MIER2: variants seen among roughly 807,000 people sequenced by gnomAD.
MIER2 encodes the protein MIER family member 2, also known as mesoderm induction early response protein 2.
In MIER2, 30 loss-of-function variants were observed where a neutral mutation model predicts 67.6. The ratio of observed to expected loss-of-function variants is 0.44; its 90% CI spans 0.33 to 0.60. The LOEUF (loss-of-function observed/expected upper bound fraction) is 0.60, where lower values mean the gene tolerates loss of function less well. MIER2 is among the 20% of genes least tolerant of loss of function. The probability of loss-of-function intolerance (pLI) is 0.02; values close to 1 mark genes in which losing one functional copy is unlikely to be tolerated. For missense variants in MIER2, 702 were observed against 745.1 expected, an observed-to-expected ratio of 0.94 and a Z score of 0.67; for synonymous variants, 372 against 312.6, an observed-to-expected ratio of 1.19 and a Z score of -2.00.
At chr19:325,515 G>A (rs1971698459) in intron 7 of MIER2, 120 bp downstream of exon 7, 1 of 1,144,558 alleles carries the variant, frequency 8.7e-7, no homozygotes, top group African/African-American at 1.5e-5. Context: ...CACAGGCTCA[G>A]CTGCCCCAGT....
At chr19:328,116 A>G (rs1259495685) in intron 3 of MIER2, 127 bp from the exon 4 acceptor site, 1 of 1,268,328 alleles carries the variant, frequency 7.9e-7, no homozygotes, top group Non-Finnish European at 1.1e-6. Context: ...GCAACTCCCC[A>G]CATGGCAGCA....
intron 1 of MIER2, among the ~76,000 whole-genome samples, chr19:341,614 G>A (rs575632579): frequency 1.3e-5 from 2 of 152,262 alleles, no homozygotes; most frequent in South Asian, 4.1e-4. Context: ...TACTCTCAAA[G>A]CAGGTTCCCA....
At chr19:325,158 G>C (rs1274451932) in intron 7 of MIER2, among the ~76,000 whole-genome samples, 1 of 152,256 alleles carries the variant, frequency 6.6e-6, no homozygotes, top group Admixed American at 6.5e-5. Flanking sequence ...CCTCAAAGGG[G>C]CAAGAGAGGG....
At chr19:314,012 A>G (rs145301303) in intron 7 of MIER2, among the ~76,000 whole-genome samples, 1 of 152,312 alleles carries the variant, frequency 6.6e-6, no homozygotes, top group African/African-American at 2.4e-5. Flanking sequence ...AGGGGGTTCT[A>G]AGTAGTGAGA....
intron 7 of MIER2, among the ~76,000 whole-genome samples, chr19:317,510 A>G (rs993305625): frequency 1.6e-4 from 23 of 146,166 alleles, no homozygotes; most frequent in Non-Finnish European, 3.2e-4. Context: ...CTGGGTGACA[A>G]AGCGAGACTC....
intron 3 of MIER2, among the ~76,000 whole-genome samples, chr19:331,793 C>T (rs1291150557): frequency 6.6e-6 from 1 of 151,844 alleles, no homozygotes; most frequent in African/African-American, 2.4e-5. Flanking sequence ...CCAGCCTGTC[C>T]AACATGATGA....
intron 3 of MIER2, 115 bp from the exon 4 acceptor site, chr19:328,104 T>C (rs548028518): frequency 1.5e-4 from 212 of 1,410,002 alleles, no homozygotes; most frequent in Admixed American, 1.1e-3. Context: ...GTCACACCCA[T>C]AGCAACTCCC....
At chr19:317,193 G>A (rs1263890195) in intron 7 of MIER2, among the ~76,000 whole-genome samples, 4 of 152,052 alleles carry the variant, frequency 2.6e-5, no homozygotes, top group Non-Finnish European at 5.9e-5. Flanking sequence ...AGGAGATCGA[G>A]ACCATCCTGG....
chr19:307,144 C>T lies in MIER2; in HGVS notation c.1591G>A (p.Gly531Arg), dbSNP rs779147744. The change falls in exon 13 of 14, where the codon GGG becomes AGG. Residue 531 changes from glycine (G) to arginine (R), a missense_variant. Transcript: ENST00000264819. ...TGTGACAGGGGCTCCGAGTGTAGCC[C>T]GGGGGCCGGGCACGTGGGGTGGGCG... ...LAAHPTCPAP[G>R]LHSEPLSHCN... is the part of the protein sequence containing the mutation. The T allele has an allele frequency of 2.5e-6, 4 of 1,586,040 alleles. No homozygotes were observed. The highest frequency in any genetic ancestry group is 1.1e-5 in the South Asian group (1 of 86,960).
In MIER2 at chr19:306,447, C is replaced by T. The variant is rs1224728615; in HGVS notation, c.*243G>A. 2.0e-5 allele frequency: 12 copies of T among 610,928 alleles called. No homozygotes were observed. Among genetic ancestry groups the T allele is most frequent in the African/African-American group, 3.7e-5 (2 of 53,824 alleles). The allele number at this position is 610,928 out of a possible 1,614,324, so 37.8% of individuals were successfully genotyped here. On this transcript the variant is annotated 3_prime_UTR_variant, in exon 14 of 14. Transcript: ENST00000264819. Reference sequence around the variant, plus strand: ...CGGATCCCACGTGCAGGCAGCGGCCCGGACCCGGGTGGCAGTGCCGGGCGC... The same window carrying T: ...CGGATCCCACGTGCAGGCAGCGGCCTGGACCCGGGTGGCAGTGCCGGGCGC...
rs766734146 is a variant in MIER2, at chr19:308,835, G to A, written c.1075C>T (p.Leu359=). The change falls in exon 11 of 14, where the codon CTG becomes TTG. Residue 359 remains leucine (L), a synonymous_variant. Transcript: ENST00000264819. This position sits in a 1 kb window ranked among gnomAD's most constrained non-coding sequence, Gnocchi z 9.1. ...RYDYFAQQTR[L]GRRKYVPSGT... ...GACGGGACGTACTTCCTCCGGCCCA[G>A]CCGCGTCTGCTGGGCGAAGTAGTCG... The A allele has an allele frequency of 2.5e-6, 4 of 1,609,382 alleles. No homozygotes were observed. The highest frequency in any genetic ancestry group is 3.4e-6 in the Non-Finnish European group (4 of 1,176,782).
rs1972251946 is a variant in MIER2 at position 336,220 on chromosome 19, C to T, written c.10-47G>A. ...GTTAGCTCGGCCGGCCCAAAACCTG[C>T]TGCTGGACATCACAGTGTGGCAGCC... On this transcript the variant is annotated intron_variant, in intron 1 of 13. Transcript: ENST00000264819. 4 of 1,499,312 alleles carry T rather than the reference C, an allele frequency of 2.7e-6. No homozygotes were observed. The South Asian group carries it at 3.5e-5, about 13-fold the overall frequency. 92.9% of individuals were successfully genotyped at this position (1,499,312 alleles called of 1,614,324 possible).
intron 8 of MIER2, 45 bp downstream of exon 8, chr19:313,447 C>T (rs1971103264): frequency 6.3e-7 from 1 of 1,592,616 alleles, no homozygotes; most frequent in Non-Finnish European, 8.5e-7. Flanking sequence ...TGGCCCACGC[C>T]ACGGCAGCCC....
In MIER2 at chr19:324,274, C is replaced by T. The variant is rs114974446; in HGVS notation, c.655+1361G>A. Among the ~76,000 whole-genome samples the T allele has an allele frequency of 5.3e-4, 71 of 134,888 alleles. 4 individuals carry two copies. Among genetic ancestry groups the T allele is most frequent in the African/African-American group, 2.1e-3 (67 of 32,670 alleles). 88.5% of individuals were successfully genotyped at this position (134,888 alleles called of 152,430 possible). A position where few individuals can be genotyped will look rare whatever the true frequency, so the allele number is the denominator to read the frequency against. ...AACCACGCAGACAACTCGAATGACACAGGTGTCATCACAATGCAATACACA... is the reference window on the plus strand; with the variant it reads ...AACCACGCAGACAACTCGAATGACATAGGTGTCATCACAATGCAATACACA... On this transcript the variant is annotated intron_variant, in intron 7 of 13. Transcript: ENST00000264819.
In MIER2 at chr19:335,208, CCAGA is replaced by C. The variant is rs539358854; in HGVS notation, c.101-670_101-667del. Reference sequence around the variant, plus strand: ...AGGAAATAGCTAGGGCTCAATCAATCCAGACAGAGAGCAGTGTAGGCCAAGGCTG... The same window carrying C: ...AGGAAATAGCTAGGGCTCAATCAATCCAGAGAGCAGTGTAGGCCAAGGCTG... On this transcript the variant is annotated intron_variant, in intron 2 of 13. Coordinates refer to ENST00000264819, the MANE Select transcript of MIER2 (RefSeq NM_017550.3). Among the ~76,000 whole-genome samples the C allele has an allele frequency of 9.8e-4, 149 of 152,372 alleles. 4 individuals are homozygous for C. The East Asian group carries it at 0.026, about 26-fold the overall frequency.
Position 305,799 on chromosome 19 carries a change from G to C in MIER2, c.*891C>G, listed in dbSNP as rs1159643876. 1 of 152,684 alleles carries C rather than the reference G, an allele frequency of 6.5e-6. No individual in the cohort carries two copies. Among genetic ancestry groups the C allele is most frequent in the East Asian group, 1.9e-4 (1 of 5,168 alleles). The allele number at this position is 152,684 out of a possible 1,614,324, so 9.5% of individuals were successfully genotyped here. On this transcript the variant is annotated 3_prime_UTR_variant, in exon 14 of 14. Transcript: ENST00000264819. ...AGAAACGAACGAGAGGGCCAGGGAGGAGGGGGACCAGGACTCCAAGCCATC... is the reference window on the plus strand; with the variant it reads ...AGAAACGAACGAGAGGGCCAGGGAGCAGGGGGACCAGGACTCCAAGCCATC...
chr19:327,370 G>T, intron 4 of MIER2, 114 bp from the exon 5 acceptor site: 1 of 1,301,344 alleles, frequency 7.7e-7, no homozygotes, highest in Non-Finnish European at 1.1e-6. Context: ...ACATGGGGCT[G>T]CTATTCCCAT....
rs2145462831 is a variant in MIER2 at position 325,489 on chromosome 19, TC to T, written c.655+145del. The T allele has an allele frequency of 4.5e-6, 4 of 890,362 alleles. No individual in the cohort carries two copies. The East Asian group carries it at 1.0e-4, about 23-fold the overall frequency. The allele number at this position is 890,362 out of a possible 1,614,324, so 55.2% of individuals were successfully genotyped here. Reference sequence around the variant, plus strand: ...TAGGCCCACTGCAGCCACGAGAGCCTCCCACCTCCTCCAGCCACAGGCTCAG... The same window carrying T: ...TAGGCCCACTGCAGCCACGAGAGCCTCCACCTCCTCCAGCCACAGGCTCAG... On this transcript the variant is annotated intron_variant, in intron 7 of 13. Coordinates refer to ENST00000264819, the MANE Select transcript of MIER2 (RefSeq NM_017550.3).
rs1394760717 is a variant in MIER2, at chr19:311,915, T to C, written c.914A>G (p.Glu305Gly). The C allele has an allele frequency of 6.2e-7, 1 of 1,613,880 alleles. No homozygotes were observed. Among genetic ancestry groups the C allele is most frequent in the Admixed American group, 1.7e-5 (1 of 59,998 alleles). Reference sequence around the variant, plus strand: ...GCCGTGCTCAAAGTTCCTGCACTCCTCTTCACTCCAAGCACAGAGCCCATC... The same window carrying C: ...GCCGTGCTCAAAGTTCCTGCACTCCCCTTCACTCCAAGCACAGAGCCCATC... ...IRDGLCAWSE[E>G]ECRNFEHGFR... is the part of the protein sequence containing the mutation. Residue 305 changes from glutamate (E) to glycine (G), a missense_variant, in exon 10 of 14, where the codon GAG becomes GGG. Transcript: ENST00000264819.
Sources: gnomAD v4.1 joint callset for allele counts (sites outside exome capture counted in the v4.1 genomes callset) on GRCh38, gnomAD v4.1.1 for gene constraint, Gnocchi (gnomAD v3.1) non-coding constraint, MANE v1.5 for transcripts, NCBI Gene and HGNC (gene_info 2026-07-23, HGNC 2026-07-21) for gene names.